Variants in SMC3 observed in about 807,000 individuals in gnomAD.
SMC3 encodes the protein structural maintenance of chromosomes 3.
SMC3 carries 20 observed loss-of-function variants against 171.8 expected under a neutral mutation model. That is an observed-to-expected ratio of 0.12 (90% confidence interval 0.08 to 0.17). The LOEUF (loss-of-function observed/expected upper bound fraction) is 0.17. SMC3 is among the 10% of genes least tolerant of loss of function. The pLI is 1.00. For synonymous variants in SMC3, 464 were observed against 451.1 expected, an observed-to-expected ratio of 1.03 and a Z score of -0.36; for missense variants, 543 against 1,420.4, an observed-to-expected ratio of 0.38 and a Z score of 9.93.
intron 19 of SMC3, among the ~76,000 whole-genome samples, chr10:110,597,314 A>G (rs999759299): frequency 2.6e-5 from 4 of 151,934 alleles, no homozygotes; most frequent in Admixed American, 2.0e-4. Flanking sequence ...AGGAGTGGTT[A>G]GTTCAGTTCA....
chr10:110,589,994 G>T lies in SMC3; in HGVS notation c.1509+3G>T, dbSNP rs1861181312. The T allele has an allele frequency of 1.2e-6, 2 of 1,613,136 alleles. No homozygotes were observed. The highest frequency in any genetic ancestry group is 1.7e-6 in the Non-Finnish European group (2 of 1,179,386). ...TTCTTAGAGCAGCAACAGGAAAGGT[G>T]GGCAGGTTCTTTTCATCACCTCTGT... On this transcript the variant is annotated splice_donor_region_variant and intron_variant, in intron 15 of 28. Transcript: ENST00000361804.
intron 4 of SMC3, among the ~76,000 whole-genome samples, chr10:110,577,183 G>A (rs1055522029): frequency 6.6e-6 from 1 of 152,014 alleles, no homozygotes; most frequent in Non-Finnish European, 1.5e-5. Flanking sequence ...CTAATCTAAC[G>A]TCTCTGCTGT....
chr10:110,593,846 G>T (rs1861249497), intron 18 of SMC3, among the ~76,000 whole-genome samples: 1 of 151,786 alleles, frequency 6.6e-6, no homozygotes, highest in Non-Finnish European at 1.5e-5. Flanking sequence ...AAATTAGCTG[G>T]GTGTGGTGGC....
At chr10:110,573,601 A>T in intron 2 of SMC3, 106 bp from the exon 3 acceptor site, 1 of 737,964 alleles carries the variant, frequency 1.4e-6, no homozygotes, top group South Asian at 1.6e-5. Context: ...GTTAAGATGT[A>T]TTAGAAAATT....
rs540090376 is a variant in SMC3, at chr10:110,567,724, G to C, written c.-93G>C. ...GGCTGAGGGGAGCGAGCGGCGCTTT[G>C]GGGGAGGGGTCGCGTAGGCGCCTCA... is the stretch of plus-strand genomic sequence containing the variant. On this transcript the variant is annotated 5_prime_UTR_variant, in exon 1 of 29. Coordinates refer to ENST00000361804, the MANE Select transcript of SMC3 (RefSeq NM_005445.4). 5.4e-6 allele frequency: 8 copies of C among 1,487,946 alleles called. No homozygotes were observed. The highest frequency in any genetic ancestry group is 1.1e-5 in the South Asian group (1 of 87,690). The allele number at this position is 1,487,946 out of a possible 1,614,324, so 92.2% of individuals were successfully genotyped here.
At chr10:110,591,245 G>A (rs950916857) in intron 17 of SMC3, 113 bp downstream of exon 17, 7 of 1,066,306 alleles carry the variant, frequency 6.6e-6, no homozygotes, top group Non-Finnish European at 9.8e-6. Flanking sequence ...TGGTGTATGA[G>A]ATAAAAATAT....
In SMC3 at chr10:110,568,982, A is replaced by G; in HGVS notation, c.60A>G (p.Val20=). Residue 20 remains valine, a synonymous_variant, in exon 2 of 29, where the codon GTA becomes GTG. Transcript: ENST00000361804. ...GFRSYRDQTI[V]DPFSSKHNVI... ...GAAGTTACAGAGATCAAACAATTGT[A>G]GATCCCTTCAGTTCAAAACATAATG... is the stretch of plus-strand genomic sequence containing the variant. 6.2e-7 allele frequency: 1 copy of G among 1,607,902 alleles called. No individual in the cohort carries two copies. The highest frequency in any genetic ancestry group is 8.5e-7 in the Non-Finnish European group (1 of 1,174,390).
chr10:110,580,285 T>G (rs976907509), intron 7 of SMC3, among the ~76,000 whole-genome samples: 10 of 152,204 alleles, frequency 6.6e-5, no homozygotes, highest in Admixed American at 3.9e-4. Context: ...GAATTGACTT[T>G]TAATATATTA....
intron 1 of SMC3, 105 bp from the exon 2 acceptor site, chr10:110,568,833 C>T: frequency 1.8e-5 from 12 of 655,614 alleles, no homozygotes; most frequent in East Asian, 5.6e-5. Flanking sequence ...TATGAAATTT[C>T]GAGTTTTCTA....
chr10:110,588,049 G>A (rs1246384786), intron 13 of SMC3, among the ~76,000 whole-genome samples: 1 of 152,154 alleles, frequency 6.6e-6, no homozygotes, highest in East Asian at 1.9e-4. Flanking sequence ...GGAGTGCAGT[G>A]ACACAATCTC....
chr10:110,605,994 A>C lies in SMC3; in HGVS notation c.*1692A>C, dbSNP rs1861464058. On this transcript the variant is annotated 3_prime_UTR_variant, in exon 29 of 29. Transcript: ENST00000361804. ...TAAGCATTTCCCCAAGGATATTAGT[A>C]TAATGAAATGCCAGTAAATTTATAA... 6.6e-6 allele frequency among the ~76,000 whole-genome samples: 1 copy of C among 152,248 alleles called. No homozygotes were observed. The highest frequency in any genetic ancestry group is 2.1e-4 in the South Asian group (1 of 4,830).
intron 2 of SMC3, among the ~76,000 whole-genome samples, chr10:110,571,221 AC>A (rs1448607736): frequency 1.3e-5 from 2 of 152,220 alleles, no homozygotes; most frequent in Non-Finnish European, 2.9e-5. Flanking sequence ...AACAGTCTAT[AC>A]TTGTGATTAG....
intron 2 of SMC3, among the ~76,000 whole-genome samples, chr10:110,571,641 A>T (rs1486994722): frequency 2.0e-5 from 3 of 152,206 alleles, no homozygotes; most frequent in Non-Finnish European, 4.4e-5. Context: ...TACCAGAGGT[A>T]TTAGGAGACT....
At position 110,582,506 on chromosome 10, in the gene SMC3, G is replaced by T; in HGVS notation, c.724-56G>T. 4.9e-6 allele frequency: 6 copies of T among 1,225,722 alleles called. No individual in the cohort carries two copies. The East Asian group carries it at 1.5e-4, about 31-fold the overall frequency. 75.9% of individuals were successfully genotyped at this position (1,225,722 alleles called of 1,614,324 possible). A position where few individuals can be genotyped will look rare whatever the true frequency, so the allele number is the denominator to read the frequency against. On this transcript the variant is annotated intron_variant, in intron 9 of 28. Coordinates refer to ENST00000361804, the MANE Select transcript of SMC3 (RefSeq NM_005445.4). ...TAGAAAAATTTTTATTAGATGTTAT[G>T]AAATATTTAGTAATTACAAAATGAG...
intron 2 of SMC3, 110 bp from the exon 3 acceptor site, chr10:110,573,597 A>G (rs1333344642): frequency 7.1e-6 from 5 of 703,676 alleles, no homozygotes; most frequent in East Asian, 2.7e-5. Context: ...AGATGTTAAG[A>G]TGTATTAGAA....
chr10:110,571,528 G>A (rs1860872019), intron 2 of SMC3, among the ~76,000 whole-genome samples: 3 of 152,198 alleles, frequency 2.0e-5, no homozygotes, highest in South Asian at 2.1e-4. Context: ...TTGGATTGTG[G>A]TGCTCTGGGA....
At chr10:110,577,809 C>A in intron 5 of SMC3, 26 bp from the exon 6 acceptor site, 1 of 1,518,164 alleles carries the variant, frequency 6.6e-7, no homozygotes, top group Non-Finnish European at 9.1e-7. Flanking sequence ...ATTAAATTAA[C>A]TGTGGGCTTT....
At chr10:110,594,913 C>T (rs184183996) in intron 18 of SMC3, among the ~76,000 whole-genome samples, 9 of 152,180 alleles carry the variant, frequency 5.9e-5, no homozygotes, top group Non-Finnish European at 1.0e-4. Context: ...TAAAAAGTAT[C>T]CATATTCAAG....
rs112801830 is a variant in SMC3, at chr10:110,605,366, G to A, written c.*1064G>A. Among the ~76,000 whole-genome samples the A allele has an allele frequency of 0.03, 4,503 of 152,242 alleles. 89 individuals carry two copies. Among genetic ancestry groups the A allele is most frequent in the Middle Eastern group, 0.068 (20 of 294 alleles). ...TGAGATTTTCTACATAGACAGTCAT[G>A]TCATTTGCAAGAAAGAGGCAGTTTT... On this transcript the variant is annotated 3_prime_UTR_variant, in exon 29 of 29. Coordinates refer to ENST00000361804, the MANE Select transcript of SMC3 (RefSeq NM_005445.4).
Sources: allele counts gnomAD v4.1 joint callset (sites outside exome capture counted in the v4.1 genomes callset), GRCh38; gene constraint gnomAD v4.1.1; transcripts MANE v1.5; gene names NCBI Gene and HGNC (gene_info 2026-07-23, HGNC 2026-07-21).